The following TEX9 variants were observed in gnomAD, a reference collection of about 807,000 sequenced individuals.
The protein encoded by TEX9 is testis expressed 9.
Under a neutral mutation model 59.6 loss-of-function variants are expected in TEX9, and 74 were observed. The observed-to-expected ratio is 1.24, with a 90% CI of 1.03 to 1.51. The LOEUF is 1.51. Ranked by LOEUF, TEX9 falls within the 40% of genes most tolerant of loss-of-function variation. TEX9 has a pLI of 0.00. For synonymous variants in TEX9, 186 were observed against 152.2 expected (o/e 1.22, Z -1.64); for missense variants, 522 against 447.8 (o/e 1.17, Z -1.49).
chr15:56,367,630 A>G (rs1426070), intron 2 of TEX9, among the ~76,000 whole-genome samples: 53,253 of 152,058 alleles, frequency 0.35, 9,519 homozygotes, highest in Middle Eastern at 0.5. Context: ...ATTACATTGG[A>G]TTTACAGATT....
At chr15:56,387,739 G>C (rs558341362) in intron 4 of TEX9, among the ~76,000 whole-genome samples, 1 of 151,882 alleles carries the variant, frequency 6.6e-6, no homozygotes, top group Non-Finnish European at 1.5e-5. Flanking sequence ...AATATTTTTA[G>C]ATTTGTGGGC....
chr15:56,267,340 C>G (rs1567067330), intron 1 of TEX9, among the ~76,000 whole-genome samples: 2 of 152,130 alleles, frequency 1.3e-5, no homozygotes, highest in Admixed American at 6.5e-5. Flanking sequence ...AATTAGATCC[C>G]ATTTGTCTAT....
At chr15:56,265,314 G>A (rs773720451) in intron 1 of TEX9, among the ~76,000 whole-genome samples, 15 of 151,688 alleles carry the variant, frequency 9.9e-5, no homozygotes, top group Non-Finnish European at 1.9e-4. Context: ...CTACAGGAAT[G>A]TGCTACCAGG....
intron 1 of TEX9, among the ~76,000 whole-genome samples, chr15:56,278,965 T>C (rs1456903283): frequency 6.6e-6 from 1 of 152,218 alleles, no homozygotes; most frequent in Non-Finnish European, 1.5e-5. Context: ...ATCTAGTCCT[T>C]GCTTCTACAT....
At chr15:56,272,778 A>T (rs2044568598) in intron 1 of TEX9, among the ~76,000 whole-genome samples, 1 of 152,168 alleles carries the variant, frequency 6.6e-6, no homozygotes. Flanking sequence ...AGTTGTGTTT[A>T]CATCATTTAC....
the TEX9 span, chr15:56,456,272 C>T: frequency 1.2e-6 from 1 of 833,482 alleles, no homozygotes; most frequent in Non-Finnish European, 1.7e-6. Context: ...TAAGTATTTC[C>T]AGGTAAAATA....
chr15:56,417,626 A>C (rs1355415855), intron 10 of TEX9, among the ~76,000 whole-genome samples: 1 of 151,856 alleles, frequency 6.6e-6, no homozygotes, highest in Non-Finnish European at 1.5e-5. Context: ...TCAGTTTTAG[A>C]GTATGTGCCA....
chr15:56,439,815 G>A lies in TEX9; in HGVS notation c.*30-5856G>A, dbSNP rs572954244. On this transcript the variant is annotated intron_variant, in intron 12 of 12. Transcript: ENST00000352903. ...ACACAAACCTTTAGGAAAAAAAAAAGGAGAAATTCTTCAATAACTAGGCGA... is the reference window on the plus strand; with the variant it reads ...ACACAAACCTTTAGGAAAAAAAAAAAGAGAAATTCTTCAATAACTAGGCGA... 4.8e-5 allele frequency among the ~76,000 whole-genome samples: 7 copies of A among 145,232 alleles called. 1 individual carries two copies. In the South Asian group the frequency reaches 1.5e-3, roughly 31 times the overall value.
chr15:56,269,773 C>G (rs1293468739), intron 1 of TEX9, among the ~76,000 whole-genome samples: 2 of 151,782 alleles, frequency 1.3e-5, no homozygotes. Flanking sequence ...CCTGCCTCAG[C>G]CTCTCAAGTA....
intron 1 of TEX9, among the ~76,000 whole-genome samples, chr15:56,343,594 G>C (rs978667008): frequency 6.6e-6 from 1 of 152,060 alleles, no homozygotes; most frequent in Non-Finnish European, 1.5e-5. Flanking sequence ...AGTATAGTAA[G>C]AGGATATTAT....
chr15:56,373,061 AG>A (rs1473367002), intron 2 of TEX9, among the ~76,000 whole-genome samples: 16 of 152,128 alleles, frequency 1.1e-4, no homozygotes, highest in Non-Finnish European at 2.2e-4. Context: ...CCCACATTAG[AG>A]CAGGGCCTGT....
At chr15:56,446,443 A>G (rs1431351967), downstream of TEX9, among the ~76,000 whole-genome samples, 1 of 152,084 alleles carries the variant, frequency 6.6e-6, no homozygotes, top group African/African-American at 2.4e-5. Flanking sequence ...GATGGCTTTT[A>G]TAAAACTGGA....
chr15:56,374,903 T>C (rs1055434040), intron 3 of TEX9, among the ~76,000 whole-genome samples: 5 of 152,208 alleles, frequency 3.3e-5, no homozygotes, highest in African/African-American at 1.2e-4. Flanking sequence ...GGCTGAATAG[T>C]ACTCCATTGT....
chr15:56,338,772 G>A (rs2046307588), intron 1 of TEX9, among the ~76,000 whole-genome samples: 1 of 151,920 alleles, frequency 6.6e-6, no homozygotes, highest in Non-Finnish European at 1.5e-5. Flanking sequence ...CAAAAAATTA[G>A]CTGGGCATGG....
At chr15:56,394,075 TTTC>T in intron 7 of TEX9, 87 bp from the exon 8 acceptor site, 1 of 1,249,444 alleles carries the variant, frequency 8.0e-7, no homozygotes, top group Admixed American at 2.2e-5. Flanking sequence ...TCTTGAGTAT[TTTC>T]TTCTTTATAA....
chr15:56,371,784 A>C (rs1407446450), intron 2 of TEX9, among the ~76,000 whole-genome samples: 1 of 152,208 alleles, frequency 6.6e-6, no homozygotes, highest in Non-Finnish European at 1.5e-5. Flanking sequence ...CACCTAGATA[A>C]GATGAATTTG....
At chr15:56,262,287 C>T (rs757343490) in intron 1 of TEX9, among the ~76,000 whole-genome samples, 20 of 152,222 alleles carry the variant, frequency 1.3e-4, no homozygotes, top group Non-Finnish European at 2.8e-4. Context: ...AATTCAGTAA[C>T]CAGCACACAC....
chr15:56,424,478 C>T (rs2050145535), intron 10 of TEX9, among the ~76,000 whole-genome samples: 1 of 151,946 alleles, frequency 6.6e-6, no homozygotes, highest in South Asian at 2.1e-4. Context: ...GAGTTTTGTC[C>T]ATTTACATTT....
At chr15:56,245,826 T>A (rs1313298228) in intron 1 of TEX9, among the ~76,000 whole-genome samples, 1 of 152,206 alleles carries the variant, frequency 6.6e-6, no homozygotes, top group East Asian at 1.9e-4. Flanking sequence ...CAAGCTATGC[T>A]GAAACTGGAA....
Sources: allele counts gnomAD v4.1 joint callset (sites outside exome capture counted in the v4.1 genomes callset), GRCh38; gene constraint gnomAD v4.1.1; transcripts MANE v1.5; gene names NCBI Gene and HGNC (gene_info 2026-07-23, HGNC 2026-07-21).